USP47: variants seen among roughly 807,000 people sequenced by gnomAD.
USP47 encodes ubiquitin carboxyl-terminal hydrolase 47.
USP47 carries 35 observed loss-of-function variants against 165.1 expected under a neutral mutation model. The ratio of observed to expected loss-of-function variants is 0.21; its 90% CI spans 0.16 to 0.28. The LOEUF (loss-of-function observed/expected upper bound fraction) is 0.28. Ranked by LOEUF, USP47 falls within the 10% of genes least tolerant of loss-of-function variation. USP47 has a pLI of 1.00. For missense variants in USP47, 1,277 were observed against 1,607.4 expected, an observed-to-expected ratio of 0.79 and a Z score of 3.52; for synonymous variants, 531 against 544.5, an observed-to-expected ratio of 0.98 and a Z score of 0.35.
chr11:11,921,120 C>G (rs1164707442), intron 10 of USP47, among the ~76,000 whole-genome samples: 1 of 151,724 alleles, frequency 6.6e-6, no homozygotes, highest in Non-Finnish European at 1.5e-5. Flanking sequence ...GAAAGACTTA[C>G]AATATTCCAC....
At chr11:11,895,464 A>G (rs914708613) in intron 4 of USP47, among the ~76,000 whole-genome samples, 2 of 152,206 alleles carry the variant, frequency 1.3e-5, no homozygotes, top group East Asian at 3.8e-4. Context: ...TTGAGTTTGC[A>G]TTTCCTTAAG....
At chr11:11,842,363 G>A in intron 1 of USP47, 139 bp downstream of exon 1, 4 of 975,168 alleles carry the variant, frequency 4.1e-6, no homozygotes, top group Non-Finnish European at 5.9e-6. Flanking sequence ...GGCAGTCGGG[G>A]GTGGACGGTG....
chr11:11,873,623 A>G (rs1850212919), intron 1 of USP47, among the ~76,000 whole-genome samples: 1 of 152,040 alleles, frequency 6.6e-6, no homozygotes, highest in South Asian at 2.1e-4. Context: ...CCTCTTTATC[A>G]TAGATTTTTA....
intron 18 of USP47, among the ~76,000 whole-genome samples, chr11:11,939,441 A>G (rs1855313535): frequency 6.6e-6 from 1 of 152,150 alleles, no homozygotes; most frequent in African/African-American, 2.4e-5. Flanking sequence ...GTAAGGCATT[A>G]TGTAAGAGTT....
chr11:11,869,868 T>C (rs1292861972), intron 1 of USP47, among the ~76,000 whole-genome samples: 2 of 152,196 alleles, frequency 1.3e-5, no homozygotes, highest in Admixed American at 1.3e-4. Context: ...TCTTGCACCA[T>C]GTGATGCCTT....
rs1564859579 is a variant in USP47, at chr11:11,875,077, G to GTT, written c.40-5099_40-5098insTT. Reference sequence around the variant, plus strand: ...TGTGTGTGTGTGTGTGTGTGTGTGTGTGTGTTTAAAAGCTTGTAACCATAA... The same window carrying GTT: ...TGTGTGTGTGTGTGTGTGTGTGTGTGTTTGTGTTTAAAAGCTTGTAACCATAA... On this transcript the variant is annotated intron_variant, in intron 1 of 27. Transcript: ENST00000527733. 2.2e-3 allele frequency among the ~76,000 whole-genome samples: 168 copies of GTT among 75,004 alleles called. 1 individual carries two copies. Among genetic ancestry groups the GTT allele is most frequent in the Admixed American group, 5.3e-3 (54 of 10,274 alleles). The allele number at this position is 75,004 out of a possible 152,430, so 49.2% of individuals were successfully genotyped here. A position where few individuals can be genotyped will look rare whatever the true frequency, so the allele number is the denominator to read the frequency against.
chr11:11,913,509 C>A (rs1373093347), intron 8 of USP47, among the ~76,000 whole-genome samples: 1 of 151,430 alleles, frequency 6.6e-6, no homozygotes, highest in Non-Finnish European at 1.5e-5. Flanking sequence ...AAGCTAGGAC[C>A]AGAAAGACAG....
At chr11:11,922,656 T>G in intron 10 of USP47, 68 bp from the exon 11 acceptor site, 1 of 1,338,772 alleles carries the variant, frequency 7.5e-7, no homozygotes, top group South Asian at 1.6e-5. Context: ...AGTATATAGG[T>G]ACAAAGTTTT....
At chr11:11,909,864 C>G (rs1246568995) in intron 8 of USP47, among the ~76,000 whole-genome samples, 6 of 152,040 alleles carry the variant, frequency 3.9e-5, no homozygotes, top group Non-Finnish European at 5.9e-5. Context: ...AGTGTGAAAT[C>G]AAAAGCATTT....
intron 25 of USP47, among the ~76,000 whole-genome samples, chr11:11,954,470 C>T (rs540765272): frequency 6.6e-6 from 1 of 152,090 alleles, no homozygotes; most frequent in South Asian, 2.1e-4. Flanking sequence ...GGGGTTTCAC[C>T]ATGTGCGAGG....
chr11:11,875,075 G>GTT, intron 1 of USP47, among the ~76,000 whole-genome samples: 1 of 73,266 alleles, frequency 1.4e-5, no homozygotes, highest in South Asian at 4.0e-4. Flanking sequence ...GTGTGTGTGT[G>GTT]TGTGTGTTTA....
chr11:11,891,899 G>A, intron 3 of USP47, 69 bp from the exon 4 acceptor site: 1 of 1,545,374 alleles, frequency 6.5e-7, no homozygotes, highest in Non-Finnish European at 8.7e-7. Context: ...CTTCCTACAG[G>A]AAATGGTGAA....
chr11:11,871,288 G>T (rs2134245592), intron 1 of USP47, among the ~76,000 whole-genome samples: 1 of 151,842 alleles, frequency 6.6e-6, no homozygotes, highest in South Asian at 2.1e-4. Flanking sequence ...TAGGTCATGA[G>T]GTCAAGAGAT....
In USP47 at chr11:11,955,182, T is replaced by C; in HGVS notation, c.3893+18T>C. On this transcript the variant is annotated intron_variant, in intron 27 of 27. Transcript: ENST00000527733. ...TTTTATAGGTAACATTCACAATGTTTTTGTTGCTGTTAGTAATACATTTTT... is the reference window on the plus strand; with the variant it reads ...TTTTATAGGTAACATTCACAATGTTCTTGTTGCTGTTAGTAATACATTTTT... 1 of 1,605,418 alleles carries C rather than the reference T, an allele frequency of 6.2e-7. No individual in the cohort carries two copies. The highest frequency in any genetic ancestry group is 1.1e-5 in the South Asian group (1 of 89,250).
At chr11:11,896,457 A>G (rs1013589661) in intron 4 of USP47, among the ~76,000 whole-genome samples, 2 of 152,202 alleles carry the variant, frequency 1.3e-5, no homozygotes, top group African/African-American at 4.8e-5. Flanking sequence ...GAAGATACAG[A>G]ACAATTGGTC....
At position 11,902,761 on chromosome 11, in the gene USP47, T is replaced by C. The variant is rs755515122; in HGVS notation, c.640T>C (p.Tyr214His). ...AGAAGATCCAGTGACAAGTATTCCA[T>C]ACCAACTTCAAAGGCTTTTTGTTTT... ...SEEDPVTSIPYQLQRLFVLLQ... is the reference protein window; with the variant it reads ...SEEDPVTSIPHQLQRLFVLLQ... The change falls in exon 6 of 28, where the codon TAC becomes CAC. Residue 214 changes from tyrosine to histidine, a missense_variant. By Grantham distance (83) the Tyr-to-His change is moderately conservative. Coordinates refer to ENST00000527733, the MANE Select transcript of USP47 (RefSeq NM_001282659.2). The C allele has an allele frequency of 1.3e-6, 2 of 1,599,322 alleles. No homozygotes were observed. Among genetic ancestry groups the C allele is most frequent in the Non-Finnish European group, 1.7e-6 (2 of 1,172,120 alleles).
In USP47 at chr11:11,942,463, A is replaced by G; in HGVS notation, c.2442A>G (p.Val814=). ...LFVLLPEQSP[V]SYSKRTAYQK... ...TTTTGCTACCTGAACAATCCCCAGT[A>G]TCTTATTCCAAAAGGACAGCATACC... Residue 814 remains valine (V), a synonymous_variant, in exon 20 of 28, where the codon GTA becomes GTG. Coordinates refer to ENST00000527733, the MANE Select transcript of USP47 (RefSeq NM_001282659.2). The G allele has an allele frequency of 2.5e-6, 4 of 1,613,636 alleles. No homozygotes were observed. Among genetic ancestry groups the G allele is most frequent in the Non-Finnish European group, 3.4e-6 (4 of 1,179,724 alleles).
At chr11:11,862,527 A>G (rs1039301023) in intron 1 of USP47, among the ~76,000 whole-genome samples, 1 of 152,166 alleles carries the variant, frequency 6.6e-6, no homozygotes, top group African/African-American at 2.4e-5. Flanking sequence ...TTCCTTGAGT[A>G]TATAAGCAAG....
intron 1 of USP47, among the ~76,000 whole-genome samples, chr11:11,868,487 G>C (rs1374347571): frequency 1.3e-5 from 2 of 152,098 alleles, no homozygotes; most frequent in Non-Finnish European, 2.9e-5. Context: ...CCTATTTATT[G>C]CTTAGTAGTT....
Sources: allele counts gnomAD v4.1 joint callset (sites outside exome capture counted in the v4.1 genomes callset), GRCh38; gene constraint gnomAD v4.1.1; transcripts MANE v1.5; gene names NCBI Gene and HGNC (gene_info 2026-07-23, HGNC 2026-07-21).